Variants in NCAPG observed in about 807,000 individuals in gnomAD.
The protein encoded by NCAPG is condensin complex subunit 3.
In NCAPG, 69 loss-of-function variants were observed where a neutral mutation model predicts 113.1. That is an observed-to-expected ratio of 0.61 (90% CI 0.50 to 0.75). NCAPG has a LOEUF of 0.75. NCAPG is among the 30% of genes least tolerant of loss of function. The pLI, the probability that NCAPG is intolerant of heterozygous loss-of-function variation, is 0.00. For missense variants in NCAPG, 1,058 were observed against 1,177.0 expected (o/e 0.90, Z 1.48); for synonymous variants, 370 against 415.8 (o/e 0.89, Z 1.34).
Position 17,843,892 on chromosome 4 carries a change from TATCA to T in NCAPG, c.*472_*475del, listed in dbSNP as rs34278178. 6.5e-6 allele frequency: 1 copy of T among 152,966 alleles called. No homozygotes were observed. The highest frequency in any genetic ancestry group is 1.5e-5 in the Non-Finnish European group (1 of 68,492). The allele number at this position is 152,966 out of a possible 1,614,324, so 9.5% of individuals were successfully genotyped here. ...ACCACAAACTGGCTAGAAAGGAGCTTATCAATCACCAGTGAGGAAGACCAGTATA... is the reference window on the plus strand; with the variant it reads ...ACCACAAACTGGCTAGAAAGGAGCTTATCACCAGTGAGGAAGACCAGTATA... On this transcript the variant is annotated 3_prime_UTR_variant, in exon 21 of 21. Transcript: ENST00000251496.
Position 17,828,731 on chromosome 4 carries a change from G to A in NCAPG, c.1764+343G>A, listed in dbSNP as rs190451886. Among the ~76,000 whole-genome samples, 10 of 152,110 alleles carry A rather than the reference G, an allele frequency of 6.6e-5. No homozygotes were observed. The East Asian group carries it at 1.7e-3, about 26-fold the overall frequency. ...TGGAATTGTGCTACGTAATGAGACT[G>A]AGACAATCACATTTTATGCCCTGGG... On this transcript the variant is annotated intron_variant, in intron 12 of 20. Coordinates refer to ENST00000251496, the MANE Select transcript of NCAPG (RefSeq NM_022346.5).
In NCAPG at chr4:17,811,752, T is replaced by C. The variant is rs1720968632; in HGVS notation, c.112-469T>C. Among the ~76,000 whole-genome samples, 2 of 152,188 alleles carry C rather than the reference T, an allele frequency of 1.3e-5. No homozygotes were observed. The highest frequency in any genetic ancestry group is 4.1e-4 in the South Asian group (2 of 4,838). On this transcript the variant is annotated intron_variant, in intron 1 of 20. Coordinates refer to ENST00000251496, the MANE Select transcript of NCAPG (RefSeq NM_022346.5). The surrounding 1 kb of genome is among the most constrained non-coding windows in gnomAD (Gnocchi z 5.3). The stretch of plus-strand genomic sequence containing the variant: ...CCTTGAGAAGAATAGAACAATTAAT[T>C]TGGGGAAGATGAATTATCTTGAGGT...
intron 16 of NCAPG, among the ~76,000 whole-genome samples, chr4:17,838,227 C>G (rs908324816): frequency 6.6e-6 from 1 of 152,216 alleles, no homozygotes; most frequent in Non-Finnish European, 1.5e-5. Flanking sequence ...CACACTGACT[C>G]ACAGACTGAA....
intron 13 of NCAPG, among the ~76,000 whole-genome samples, chr4:17,833,940 T>G (rs1721979036): frequency 6.6e-6 from 1 of 152,208 alleles, no homozygotes; most frequent in Admixed American, 6.5e-5. Flanking sequence ...TTGAACAGTT[T>G]TTCTGGATCT....
chr4:17,842,354 C>T lies in NCAPG; in HGVS notation c.2899C>T (p.Gln967Ter), dbSNP rs1394481753. The T allele has an allele frequency of 1.2e-6, 2 of 1,612,142 alleles. No individual in the cohort carries two copies. The highest frequency in any genetic ancestry group is 2.2e-5 in the East Asian group (1 of 44,806). The change falls in exon 20 of 21, where the codon CAG becomes TAG. Residue 967 changes from glutamine (Q) to a stop codon, truncating the protein, a stop_gained. Coordinates refer to ENST00000251496, the MANE Select transcript of NCAPG (RefSeq NM_022346.5). LOFTEE classifies it high-confidence loss of function. ...TTCAGCTAGGACGAACAGGAGGTGT[C>T]AGACTGCTGAAGCCGACTCTGAAAG... is the stretch of plus-strand genomic sequence containing the variant. Reference protein sequence around the residue: ...TVSARTNRRCQTAEADSESDH... With the variant: ...TVSARTNRRC
At position 17,814,908 on chromosome 4, in the gene NCAPG, A is replaced by G; in HGVS notation, c.600A>G (p.Leu200=). The change falls in exon 4 of 21, where the codon TTA becomes TTG. Residue 200 remains leucine, a synonymous_variant. Coordinates refer to ENST00000251496, the MANE Select transcript of NCAPG (RefSeq NM_022346.5). The stretch of plus-strand genomic sequence containing the variant: ...ATCCAGAAGTTAGACGGGCAGTGTT[A>G]TCATGTATTGCACCATCAGCAAAGA... ...DSNPEVRRAV[L]SCIAPSAKTL... 6.2e-7 allele frequency: 1 copy of G among 1,614,214 alleles called. No homozygotes were observed. Among genetic ancestry groups the G allele is most frequent in the Non-Finnish European group, 8.5e-7 (1 of 1,180,030 alleles).
At chr4:17,830,878 T>C (rs1721842358) in intron 12 of NCAPG, 119 bp from the exon 13 acceptor site, 4 of 1,015,622 alleles carry the variant, frequency 3.9e-6, no homozygotes, top group Admixed American at 5.2e-5. Context: ...TTGTTCTGTT[T>C]TAGCAATTTA....
rs941497564 is a variant in NCAPG, at chr4:17,813,014, A to G, written c.413A>G (p.Asp138Gly). The change falls in exon 3 of 21, where the codon GAT (aspartate) becomes GGT (glycine). Residue 138 changes from aspartate (D) to glycine (G), a missense_variant. By Grantham distance (94) the Asp-to-Gly change is moderately conservative. Transcript: ENST00000251496. ...SMPENAQIDD[D>G]VFDKINKAML... ...CCAGAAAATGCTCAGATTGATGATG[A>G]TGTGTTTGATAAAATTAATAAAGCC... 1 of 1,613,918 alleles carries G rather than the reference A, an allele frequency of 6.2e-7. No individual in the cohort carries two copies. The highest frequency in any genetic ancestry group is 1.3e-5 in the African/African-American group (1 of 74,910).
intron 12 of NCAPG, among the ~76,000 whole-genome samples, chr4:17,828,787 T>G (rs891268241): frequency 1.3e-5 from 2 of 152,088 alleles, no homozygotes; most frequent in Non-Finnish European, 2.9e-5. Flanking sequence ...TTTAAAGGGC[T>G]TTTAAAATAA....
chr4:17,829,625 T>C (rs1329276156), intron 12 of NCAPG, among the ~76,000 whole-genome samples: 1 of 152,194 alleles, frequency 6.6e-6, no homozygotes, highest in East Asian at 1.9e-4. Context: ...AAAATCTGGT[T>C]AAAGATTGAA....
intron 19 of NCAPG, chr4:17,842,094 A>G (rs1348572630): frequency 2.1e-6 from 1 of 479,660 alleles, no homozygotes; most frequent in Non-Finnish European, 3.8e-6. Flanking sequence ...CTTACTCATT[A>G]TTAGTGCTTA....
At chr4:17,826,331 A>G (rs1457541036) in intron 11 of NCAPG, among the ~76,000 whole-genome samples, 2 of 152,130 alleles carry the variant, frequency 1.3e-5, no homozygotes, top group Admixed American at 6.5e-5. Flanking sequence ...TTATTCTCAT[A>G]AAAAGAATGC....
At position 17,811,528 on chromosome 4, in the gene NCAPG, C is replaced by CA. The variant is rs141482198; in HGVS notation, c.111+343dup. On this transcript the variant is annotated intron_variant, in intron 1 of 20. Transcript: ENST00000251496. The surrounding 1 kb of genome is among the most constrained non-coding windows in gnomAD (Gnocchi z 5.3). ...TACGACCACCGAGGCGATCAGACATCAAATATTGAACCGCAGAGTGGATCC... is the reference window on the plus strand; with the variant it reads ...TACGACCACCGAGGCGATCAGACATCAAAATATTGAACCGCAGAGTGGATCC... 0.12 allele frequency among the ~76,000 whole-genome samples: 17,966 copies of CA among 152,154 alleles called. 1,184 individuals are homozygous for CA. Among genetic ancestry groups the CA allele is most frequent in the South Asian group, 0.24 (1,175 of 4,822 alleles).
intron 19 of NCAPG, chr4:17,841,679 C>A (rs747873058): frequency 2.6e-5 from 4 of 151,780 alleles, no homozygotes; most frequent in African/African-American, 4.8e-5. Context: ...TTGTTTTATT[C>A]CTTATAAATG....
chr4:17,832,150 T>C (rs889381622), intron 13 of NCAPG, among the ~76,000 whole-genome samples: 3 of 152,184 alleles, frequency 2.0e-5, no homozygotes, highest in African/African-American at 4.8e-5. Context: ...CATTTGAAAA[T>C]GCAAAACTTC....
chr4:17,839,732 T>C lies in NCAPG; in HGVS notation c.2523T>C (p.Ser841=), dbSNP rs749282535. The C allele has an allele frequency of 6.3e-7, 1 of 1,586,016 alleles. No individual in the cohort carries two copies. The highest frequency in any genetic ancestry group is 2.0e-5 in the Admixed American group (1 of 50,176). ...AAATTTGCAATGAGATCTTAACAAG[T>C]CCGTGCTCGCCAGAAATTCGAGTCT... ...AMKICNEILT[S]PCSPEIRVYT... is the part of the protein sequence containing the mutation. Residue 841 remains serine (S), a synonymous_variant, in exon 17 of 21, where the codon AGT becomes AGC. Coordinates refer to ENST00000251496, the MANE Select transcript of NCAPG (RefSeq NM_022346.5).
Position 17,837,693 on chromosome 4 carries a change from A to G in NCAPG, c.2358A>G (p.Ala786=), listed in dbSNP as rs543017291. The G allele has an allele frequency of 1.9e-6, 3 of 1,614,044 alleles. No individual in the cohort carries two copies. Among genetic ancestry groups the G allele is most frequent in the African/African-American group, 2.7e-5 (2 of 75,062 alleles). The part of the protein sequence containing the change: ...PTLQTLANAP[A]SSPLAEIDIT... ...TGCAAACACTGGCCAATGCCCCTGC[A>G]TCTTCTCCTTTAGCTGAAATTGATA... The change falls in exon 16 of 21, where the codon GCA becomes GCG. Residue 786 remains alanine, a synonymous_variant. Transcript: ENST00000251496.
At chr4:17,841,950 A>G (rs975207950) in intron 19 of NCAPG, 5 of 169,522 alleles carry the variant, frequency 2.9e-5, no homozygotes, top group Non-Finnish European at 6.3e-5. Context: ...CTTAATTTTC[A>G]TGAGTCTCCA....
intron 13 of NCAPG, among the ~76,000 whole-genome samples, chr4:17,833,069 C>T (rs1269835243): frequency 6.6e-6 from 1 of 152,038 alleles, no homozygotes; most frequent in Non-Finnish European, 1.5e-5. Context: ...TACCAATTAC[C>T]TAAATTTAAT....
Sources: allele counts gnomAD v4.1 joint callset (sites outside exome capture counted in the v4.1 genomes callset), GRCh38; gene constraint gnomAD v4.1.1; non-coding constraint Gnocchi (gnomAD v3.1); transcripts MANE v1.5; gene names NCBI Gene and HGNC (gene_info 2026-07-23, HGNC 2026-07-21).